DNAJC7: variants seen among roughly 807,000 people sequenced by gnomAD.
DNAJC7 encodes the protein dnaJ homolog subfamily C member 7.
DNAJC7 carries 18 observed loss-of-function variants against 67.4 expected under a neutral mutation model. That is an observed-to-expected ratio of 0.27 (90% CI 0.18 to 0.40). DNAJC7 has a LOEUF of 0.40. Among genes scored for constraint, DNAJC7 ranks in the 10% least tolerant of loss-of-function variants. DNAJC7 has a pLI of 1.00. For missense variants in DNAJC7, 419 were observed against 613.8 expected, an observed-to-expected ratio of 0.68 and a Z score of 3.35; for synonymous variants, 220 against 207.8, an observed-to-expected ratio of 1.06 and a Z score of -0.50.
chr17:41,998,574 T>C lies in DNAJC7; in HGVS notation c.167-1335A>G, dbSNP rs539806285. On this transcript the variant is annotated intron_variant, in intron 2 of 13. Coordinates refer to ENST00000457167, the MANE Select transcript of DNAJC7 (RefSeq NM_003315.4). ...CAAAACAAGGTACGGCTTTGAAGTG[T>C]AGTGATTATCTTTTGAGGAGAGAGG... 2.6e-5 allele frequency among the ~76,000 whole-genome samples: 4 copies of C among 152,316 alleles called. No individual in the cohort carries two copies. In the South Asian group the frequency reaches 6.2e-4, roughly 24 times the overall value.
At chr17:42,001,728 T>A (rs1224503563) in intron 1 of DNAJC7, among the ~76,000 whole-genome samples, 1 of 152,190 alleles carries the variant, frequency 6.6e-6, no homozygotes, top group Non-Finnish European at 1.5e-5. Flanking sequence ...AATTTACAGC[T>A]TGAGTCTACG....
rs1555646019 is a variant in DNAJC7, at chr17:41,981,895, G to A, written c.1344C>T (p.Asp448=). 1 of 1,613,982 alleles carries A rather than the reference G, an allele frequency of 6.2e-7. No individual in the cohort carries two copies. The highest frequency in any genetic ancestry group is 8.5e-7 in the Non-Finnish European group (1 of 1,179,900). The stretch of plus-strand genomic sequence containing the variant: ...CCTCCTCATCTAGGTCCTGTCCACT[G>A]TCATAGCGAGTCTTTTTCTTGGGAT... ...LSDPKKKTRY[D]SGQDLDEEGM... is the part of the protein sequence containing the mutation. Residue 448 remains aspartate (D), a synonymous_variant, in exon 12 of 14, where the codon GAC becomes GAT. Coordinates refer to ENST00000457167, the MANE Select transcript of DNAJC7 (RefSeq NM_003315.4).
intron 1 of DNAJC7, 62 bp from the exon 2 acceptor site, chr17:42,000,632 A>T (rs1389293201): frequency 7.6e-7 from 1 of 1,310,150 alleles, no homozygotes; most frequent in African/African-American, 1.5e-5. Flanking sequence ...CTGTAATCTT[A>T]CAGGAGGAAT....
intron 12 of DNAJC7, among the ~76,000 whole-genome samples, chr17:41,980,328 G>T (rs1488154670): frequency 6.6e-6 from 1 of 152,164 alleles, no homozygotes; most frequent in East Asian, 1.9e-4. Context: ...GATTACAGGC[G>T]TGAGCCACCA....
At chr17:41,985,443 T>C (rs533869011) in intron 9 of DNAJC7, 2 of 150,732 alleles carry the variant, frequency 1.3e-5, no homozygotes, top group East Asian at 1.9e-4. Context: ...AAAGGAAAAT[T>C]GATAGCTGAT....
chr17:41,976,540 T>A lies in DNAJC7; in HGVS notation c.*193A>T. 6.5e-4 allele frequency: 288 copies of A among 442,020 alleles called. No homozygotes were observed. Among genetic ancestry groups the A allele is most frequent in the East Asian group, 1.5e-3 (24 of 15,724 alleles). 27.4% of individuals were successfully genotyped at this position (442,020 alleles called of 1,614,324 possible). A position where few individuals can be genotyped will look rare whatever the true frequency, so the allele number is the denominator to read the frequency against. ...GCCTCCCTGTCCACCCCCGCCTCCC[T>A]CCCCTGCCCTCGGTCTTCGGCATTG... On this transcript the variant is annotated 3_prime_UTR_variant, in exon 14 of 14. Transcript: ENST00000457167.
intron 2 of DNAJC7, 48 bp downstream of exon 2, chr17:42,000,434 T>C (rs782702358): frequency 1.0e-5 from 15 of 1,454,574 alleles, no homozygotes; most frequent in Non-Finnish European, 1.4e-5. Flanking sequence ...CTTTTAATAA[T>C]ATTTGGCAAG....
chr17:41,996,626 C>T (rs2143238464), intron 3 of DNAJC7, among the ~76,000 whole-genome samples: 1 of 152,192 alleles, frequency 6.6e-6, no homozygotes, highest in Admixed American at 6.5e-5. Context: ...GCCAACATGA[C>T]AAAACTCCGT....
intron 12 of DNAJC7, chr17:41,981,618 T>C (rs2051254728): frequency 9.6e-6 from 5 of 521,424 alleles, no homozygotes; most frequent in Non-Finnish European, 1.7e-5. Flanking sequence ...GCATGACCCA[T>C]GGGGCCATGC....
rs2051301951 is a variant in DNAJC7 at position 41,983,490 on chromosome 17, A to C, written c.1084+73T>G. The C allele has an allele frequency of 8.9e-6, 12 of 1,342,632 alleles. No individual in the cohort carries two copies. In the East Asian group the frequency reaches 3.0e-4, roughly 34 times the overall value. 83.2% of individuals were successfully genotyped at this position (1,342,632 alleles called of 1,614,324 possible). A position where few individuals can be genotyped will look rare whatever the true frequency, so the allele number is the denominator to read the frequency against. Reference sequence around the variant, plus strand: ...GGTAGATCCCTGATCCCTGAATCAAACTACCTTGTGTACAGATTTATGGCC... The same window carrying C: ...GGTAGATCCCTGATCCCTGAATCAACCTACCTTGTGTACAGATTTATGGCC... On this transcript the variant is annotated intron_variant, in intron 10 of 13. Transcript: ENST00000457167.
chr17:42,001,923 G>A (rs1438793949), intron 1 of DNAJC7, among the ~76,000 whole-genome samples: 1 of 152,178 alleles, frequency 6.6e-6, no homozygotes, highest in Non-Finnish European at 1.5e-5. Context: ...TATAAATGCT[G>A]ACAGCTGTGA....
intron 1 of DNAJC7, chr17:42,016,974 CAAG>C: frequency 8.1e-7 from 1 of 1,229,894 alleles, no homozygotes; most frequent in South Asian, 1.6e-5. Flanking sequence ...CAGAAGTTAA[CAAG>C]AGAACGCGGG....
At chr17:42,001,943 G>A (rs2051818882) in intron 1 of DNAJC7, among the ~76,000 whole-genome samples, 1 of 152,132 alleles carries the variant, frequency 6.6e-6, no homozygotes, top group South Asian at 2.1e-4. Flanking sequence ...AAATGTGATG[G>A]ATATAAATCT....
rs1555647398 is a variant in DNAJC7 at position 41,989,568 on chromosome 17, C to T, written c.600-11G>A. On this transcript the variant is annotated splice_polypyrimidine_tract_variant and intron_variant, in intron 6 of 13. Coordinates refer to ENST00000457167, the MANE Select transcript of DNAJC7 (RefSeq NM_003315.4). ...ATTCGTAGAATGTCACTGCAATAGT[C>T]AGAAAAGGGCACATTGAGCTGTGCT... The T allele has an allele frequency of 6.2e-7, 1 of 1,613,130 alleles. No homozygotes were observed. Among genetic ancestry groups the T allele is most frequent in the African/African-American group, 1.3e-5 (1 of 75,064 alleles).
intron 1 of DNAJC7, among the ~76,000 whole-genome samples, chr17:42,012,811 T>C (rs1488866442): frequency 7.9e-5 from 12 of 152,186 alleles, no homozygotes; most frequent in African/African-American, 2.9e-4. Context: ...AACCCTTTTT[T>C]TTGAGACAGG....
intron 10 of DNAJC7, among the ~76,000 whole-genome samples, chr17:41,982,968 A>G (rs1047239235): frequency 6.1e-4 from 93 of 151,842 alleles, no homozygotes; most frequent in African/African-American, 2.2e-3. Flanking sequence ...TTAAAAAAAA[A>G]AAAAAGAAAA....
intron 11 of DNAJC7, 60 bp from the exon 12 acceptor site, chr17:41,982,067 TAAGAGA>T: frequency 6.3e-7 from 1 of 1,590,522 alleles, no homozygotes. Context: ...AAACAAAGTT[TAAGAGA>T]AAAACTACTT....
intron 1 of DNAJC7, among the ~76,000 whole-genome samples, chr17:42,005,421 G>A (rs1053967083): frequency 2.0e-5 from 3 of 152,148 alleles, no homozygotes; most frequent in African/African-American, 4.8e-5. Context: ...AGATCTCTGC[G>A]TTGGGTCAAC....
At chr17:41,983,731 A>T (rs945282483) in intron 9 of DNAJC7, 95 bp from the exon 10 acceptor site, 17 of 1,064,040 alleles carry the variant, frequency 1.6e-5, no homozygotes, top group Admixed American at 2.5e-5. Context: ...CAAGCAAGAG[A>T]CACACACTTC....
Sources: gnomAD v4.1 joint callset for allele counts (sites outside exome capture counted in the v4.1 genomes callset) on GRCh38, gnomAD v4.1.1 for gene constraint, MANE v1.5 for transcripts, NCBI Gene and HGNC (gene_info 2026-07-23, HGNC 2026-07-21) for gene names.